Variants in FNIP2 observed in about 807,000 individuals in gnomAD.
FNIP2 encodes folliculin interacting protein 2.
FNIP2 carries 32 observed loss-of-function variants against 108.7 expected under a neutral mutation model. That is an observed-to-expected ratio of 0.29 (90% CI 0.22 to 0.40). FNIP2 has a LOEUF of 0.40. Ranked by LOEUF, FNIP2 falls within the 10% of genes least tolerant of loss-of-function variation. The probability of loss-of-function intolerance (pLI) is 1.00; values close to 1 mark genes in which losing one functional copy is unlikely to be tolerated. For missense variants in FNIP2, 1,202 were observed against 1,381.6 expected (o/e 0.87, Z 2.06); for synonymous variants, 480 against 496.7 (o/e 0.97, Z 0.45).
rs574220087 is a variant in FNIP2, at chr4:158,780,953, C to T, written c.107+11634C>T. Among the ~76,000 whole-genome samples the T allele has an allele frequency of 7.9e-5, 12 of 151,020 alleles. No homozygotes were observed. In the South Asian group the frequency reaches 2.1e-3, roughly 26 times the overall value. On this transcript the variant is annotated intron_variant, in intron 1 of 16. Coordinates refer to ENST00000264433, the MANE Select transcript of FNIP2 (RefSeq NM_020840.3). ...AGGAGGCTGAGGCAGGAGAATCGCTCGAACCCCAGAGGCGGAGGTTGCAGT... is the reference window on the plus strand; with the variant it reads ...AGGAGGCTGAGGCAGGAGAATCGCTTGAACCCCAGAGGCGGAGGTTGCAGT...
intron 7 of FNIP2, 38 bp from the exon 8 acceptor site, chr4:158,851,283 A>G: frequency 1.2e-6 from 2 of 1,611,934 alleles, no homozygotes; most frequent in Non-Finnish European, 1.7e-6. Context: ...ATGAGGACTA[A>G]TTGACCTCAA....
intron 14 of FNIP2, among the ~76,000 whole-genome samples, chr4:158,885,312 A>G (rs557717139): frequency 1.3e-5 from 2 of 152,280 alleles, no homozygotes; most frequent in South Asian, 2.1e-4. Flanking sequence ...GAGCCAAACC[A>G]TATCAGGGGT....
At chr4:158,903,524 A>G (rs1025855288) in intron 16 of FNIP2, among the ~76,000 whole-genome samples, 3 of 152,154 alleles carry the variant, frequency 2.0e-5, no homozygotes, top group Non-Finnish European at 2.9e-5. Context: ...AACACGTGTA[A>G]TCATAAGCTT....
At chr4:158,794,163 T>C (rs1776507953) in intron 1 of FNIP2, among the ~76,000 whole-genome samples, 1 of 152,164 alleles carries the variant, frequency 6.6e-6, no homozygotes, top group Non-Finnish European at 1.5e-5. Flanking sequence ...ATTTCACTTG[T>C]TTTTTGTTTG....
chr4:158,875,661 A>G (rs1781241849), intron 14 of FNIP2, among the ~76,000 whole-genome samples: 1 of 151,892 alleles, frequency 6.6e-6, no homozygotes, highest in South Asian at 2.1e-4. Flanking sequence ...TAAATACCTC[A>G]GGTCAGCAAC....
intron 14 of FNIP2, chr4:158,889,902 AGCT>A: frequency 1.0e-6 from 1 of 984,808 alleles, no homozygotes; most frequent in Non-Finnish European, 1.2e-6. Flanking sequence ...ACCTTGGAGG[AGCT>A]TGTAAAGAGA....
In FNIP2 at chr4:158,829,195, T is replaced by C. The variant is rs1346082291; in HGVS notation, c.351T>C (p.His117=). Residue 117 remains histidine, a synonymous_variant, in exon 3 of 17, where the codon CAT becomes CAC. Transcript: ENST00000264433. The stretch of plus-strand genomic sequence containing the variant: ...ACAGTTCTTCTGGGGGATCTTCACA[T>C]CATGCTAAGGAACAGCTTCCAAAGT... ...SSHSSSGGSS[H]HAKEQLPKYQ... is the part of the protein sequence containing the mutation. 2 of 1,612,646 alleles carry C rather than the reference T, an allele frequency of 1.2e-6. No homozygotes were observed. The highest frequency in any genetic ancestry group is 3.3e-5 in the Admixed American group (2 of 59,864).
intron 14 of FNIP2, among the ~76,000 whole-genome samples, chr4:158,882,455 G>T (rs897215694): frequency 2.0e-5 from 3 of 152,102 alleles, no homozygotes; most frequent in African/African-American, 7.2e-5. Flanking sequence ...CTTCTGGGGA[G>T]TGAGGAGCCC....
At chr4:158,901,683 G>A (rs558215589) in intron 16 of FNIP2, among the ~76,000 whole-genome samples, 17 of 151,540 alleles carry the variant, frequency 1.1e-4, no homozygotes, top group Middle Eastern at 6.8e-3. Context: ...GGCTTTGTTC[G>A]TTTGTTTTCA....
chr4:158,890,384 C>T (rs1782219861), intron 14 of FNIP2: 2 of 983,352 alleles, frequency 2.0e-6, no homozygotes, highest in African/African-American at 3.5e-5. Context: ...AAATGTTGGT[C>T]CGCACGAAGT....
In FNIP2 at chr4:158,895,772, G is replaced by C; in HGVS notation, c.3173G>C (p.Arg1058Thr). The change falls in exon 16 of 17, where the codon AGA becomes ACA. Residue 1058 changes from arginine (R) to threonine (T), a missense_variant. Transcript: ENST00000264433. ...CAGTGCATCATGCATCTTGAAGATA[G>C]ACTACAGGAGATGTACCTTAAAAGT... ...ADFCIMHLED[R>T]LQEMYLKSKM... 6.2e-7 allele frequency: 1 copy of C among 1,612,040 alleles called. No homozygotes were observed. The highest frequency in any genetic ancestry group is 8.5e-7 in the Non-Finnish European group (1 of 1,178,762).
At chr4:158,883,168 A>AAT (rs1466447281) in intron 14 of FNIP2, among the ~76,000 whole-genome samples, 1 of 152,188 alleles carries the variant, frequency 6.6e-6, no homozygotes, top group African/African-American at 2.4e-5. Flanking sequence ...ATCTCAGAGA[A>AAT]AAACATAGAG....
At chr4:158,861,568 A>AT (rs1180982581) in intron 11 of FNIP2, 39 bp from the exon 12 acceptor site, 1 of 1,613,742 alleles carries the variant, frequency 6.2e-7, no homozygotes, top group African/African-American at 1.3e-5. Flanking sequence ...CTCTTTCTGT[A>AT]TTGACTAAGT....
intron 16 of FNIP2, among the ~76,000 whole-genome samples, chr4:158,903,209 G>A (rs1034961358): frequency 3.9e-5 from 6 of 152,208 alleles, no homozygotes; most frequent in South Asian, 4.1e-4. Context: ...AGTTCCTCAC[G>A]GCTTCCCTTG....
At chr4:158,832,286 C>A in intron 5 of FNIP2, 148 bp downstream of exon 5, 1 of 600,496 alleles carries the variant, frequency 1.7e-6, no homozygotes, top group Non-Finnish European at 2.8e-6. Flanking sequence ...GGCTACTGTC[C>A]TATAAACAGT....
chr4:158,776,906 A>G (rs2126409983), intron 1 of FNIP2, among the ~76,000 whole-genome samples: 1 of 152,344 alleles, frequency 6.6e-6, no homozygotes, highest in South Asian at 2.1e-4. Flanking sequence ...GCGTTGTGAC[A>G]TTTTAGAAAA....
Position 158,895,839 on chromosome 4 carries a change from T to C in FNIP2, c.3240T>C (p.His1080=). 3 of 1,613,042 alleles carry C rather than the reference T, an allele frequency of 1.9e-6. No homozygotes were observed. The highest frequency in any genetic ancestry group is 2.5e-6 in the Non-Finnish European group (3 of 1,179,398). Residue 1080 remains histidine, a synonymous_variant, in exon 16 of 17, where the codon CAT becomes CAC. Transcript: ENST00000264433. The part of the protein sequence containing the change: ...SEYLRGHTRV[H]VKELGVVLGI... Reference sequence around the variant, plus strand: ...ATCTCCGGGGACACACACGAGTCCATGTGAAAGAATTAGGTGTCGTACTGG... The same window carrying C: ...ATCTCCGGGGACACACACGAGTCCACGTGAAAGAATTAGGTGTCGTACTGG...
chr4:158,868,083 G>A lies in FNIP2; in HGVS notation c.1466-19G>A. ...TAACCCCAGAGACCACTGCCTTTGTGTCCACCTTTGCTCTCTAGGTGATCT... is the reference window on the plus strand; with the variant it reads ...TAACCCCAGAGACCACTGCCTTTGTATCCACCTTTGCTCTCTAGGTGATCT... On this transcript the variant is annotated intron_variant, in intron 12 of 16. Coordinates refer to ENST00000264433, the MANE Select transcript of FNIP2 (RefSeq NM_020840.3). This position sits in a 1 kb window ranked among gnomAD's most constrained non-coding sequence, Gnocchi z 4.6. 6.2e-7 allele frequency: 1 copy of A among 1,609,202 alleles called. No homozygotes were observed. The highest frequency in any genetic ancestry group is 1.3e-5 in the African/African-American group (1 of 74,922).
chr4:158,829,711 GGTGTGTGT>G (rs142274727), intron 3 of FNIP2, among the ~76,000 whole-genome samples: 94 of 148,354 alleles, frequency 6.3e-4, no homozygotes, highest in African/African-American at 2.3e-3. Context: ...GTGTGTGTGG[GGTGTGTGT>G]GTGTGTGTGT....
Sources: allele counts gnomAD v4.1 joint callset (sites outside exome capture counted in the v4.1 genomes callset), GRCh38; gene constraint gnomAD v4.1.1; non-coding constraint Gnocchi (gnomAD v3.1); transcripts MANE v1.5; gene names NCBI Gene and HGNC (gene_info 2026-07-23, HGNC 2026-07-21).